Variants in MLLT6 observed in about 807,000 individuals in gnomAD.
MLLT6 encodes MLLT6, PHD finger containing.
In MLLT6, 22 loss-of-function variants were observed where a neutral mutation model predicts 103.0. The observed-to-expected ratio is 0.21, with a 90% confidence interval of 0.15 to 0.31. The LOEUF (loss-of-function observed/expected upper bound fraction) is 0.31. Ranked by LOEUF, MLLT6 falls within the 10% of genes least tolerant of loss-of-function variation. The pLI, the probability that MLLT6 is intolerant of heterozygous loss-of-function variation, is 1.00. For synonymous variants in MLLT6, 606 were observed against 623.5 expected (o/e 0.97, Z 0.42); for missense variants, 1,199 against 1,441.7 (o/e 0.83, Z 2.73).
intron 6 of MLLT6, among the ~76,000 whole-genome samples, chr17:38,710,915 A>G (rs1905121384): frequency 6.6e-6 from 1 of 152,190 alleles, no homozygotes; most frequent in Non-Finnish European, 1.5e-5. Context: ...ATGTGGAGAC[A>G]TTTAGATTTG....
At chr17:38,723,451 C>T (rs1905865956) in intron 18 of MLLT6, among the ~76,000 whole-genome samples, 1 of 151,916 alleles carries the variant, frequency 6.6e-6, no homozygotes, top group African/African-American at 2.4e-5. Flanking sequence ...GAGATGGCGC[C>T]AATACACTCC....
At chr17:38,725,114 C>T in intron 19 of MLLT6, 138 bp downstream of exon 19, 4 of 634,272 alleles carry the variant, frequency 6.3e-6, no homozygotes, top group Non-Finnish European at 1.1e-5. Flanking sequence ...TGCCTCAGAC[C>T]CCAGGGCCTC....
Position 38,712,732 on chromosome 17 carries a change from G to C in MLLT6, c.762G>C (p.Lys254Asn). ...DKERLKQKHK[K>N]RPESPPSILT... ...AACGCCTTAAGCAGAAGCACAAGAA[G>C]CGGCCTGAGTCGCCCCCCAGCATCC... Residue 254 changes from lysine (K) to asparagine (N), a missense_variant, in exon 8 of 20, where the codon AAG (lysine) becomes AAC (asparagine). Coordinates refer to ENST00000621332, the MANE Select transcript of MLLT6 (RefSeq NM_005937.4). The C allele has an allele frequency of 6.2e-7, 1 of 1,613,950 alleles. No homozygotes were observed. The highest frequency in any genetic ancestry group is 8.5e-7 in the Non-Finnish European group (1 of 1,179,880).
intron 6 of MLLT6, among the ~76,000 whole-genome samples, chr17:38,711,596 C>T (rs1304795704): frequency 6.6e-6 from 1 of 152,124 alleles, no homozygotes; most frequent in Admixed American, 6.5e-5. Flanking sequence ...GGGGCCCAGA[C>T]GCATCCTTGC....
At chr17:38,718,847 C>G (rs984590777) in intron 12 of MLLT6, 3 of 152,234 alleles carry the variant, frequency 2.0e-5, no homozygotes, top group African/African-American at 7.2e-5. Flanking sequence ...GGCTGGGAGG[C>G]GGGGCCTACA....
chr17:38,725,144 T>A (rs1444383537), intron 19 of MLLT6, 168 bp downstream of exon 19: 2 of 580,942 alleles, frequency 3.4e-6, no homozygotes, highest in East Asian at 5.9e-5. Context: ...ATGGGTGCCC[T>A]CCTGCACGGC....
At position 38,707,870 on chromosome 17, in the gene MLLT6, A is replaced by G; in HGVS notation, c.352A>G (p.Lys118Glu). 6.2e-7 allele frequency: 1 copy of G among 1,602,460 alleles called. No individual in the cohort carries two copies. Among genetic ancestry groups the G allele is most frequent in the Non-Finnish European group, 8.5e-7 (1 of 1,171,444 alleles). Residue 118 changes from lysine (K) to glutamate (E), a missense_variant and splice_region_variant, in exon 4 of 20, where the codon AAG becomes GAG. By Grantham distance (56) the Lys-to-Glu change is moderately conservative. This residue lies in a region of MLLT6 where 59 missense variants were observed against 135.1 expected (regional missense o/e 0.44). Coordinates refer to ENST00000621332, the MANE Select transcript of MLLT6 (RefSeq NM_005937.4). ...GTACGTGCCTCATGATCGCTTCAAC[A>G]AGGTCAGCGGCCCCCCGCCGTGTCC... is the stretch of plus-strand genomic sequence containing the variant. ...LQYVPHDRFN[K>E]TCYICEEQGR...
In MLLT6 at chr17:38,705,447, C is replaced by G; in HGVS notation, c.-186C>G. 1 of 412,832 alleles carries G rather than the reference C, an allele frequency of 2.4e-6. No homozygotes were observed. The highest frequency in any genetic ancestry group is 4.2e-5 in the East Asian group (1 of 24,072). The allele number at this position is 412,832 out of a possible 1,614,324, so 25.6% of individuals were successfully genotyped here. Reference sequence around the variant, plus strand: ...GGGGGGGGCGGCCAGACAGAGCGAGCGAGGAGGAGGAGGAGGAGGACGCGG... The same window carrying G: ...GGGGGGGGCGGCCAGACAGAGCGAGGGAGGAGGAGGAGGAGGAGGACGCGG... On this transcript the variant is annotated 5_prime_UTR_variant, in exon 1 of 20. Coordinates refer to ENST00000621332, the MANE Select transcript of MLLT6 (RefSeq NM_005937.4).
In MLLT6 at chr17:38,719,574, T is replaced by C. The variant is rs62620198; in HGVS notation, c.2000T>C (p.Leu667Pro). The change falls in exon 13 of 20, where the codon CTG becomes CCG. Residue 667 changes from leucine to proline, a missense_variant. Leu to Pro is a moderately conservative substitution (Grantham distance 98). Around this residue, in one of 7 missense-constraint regions of MLLT6, gnomAD observed 1,034 missense variants for 1,091.5 expected, o/e 0.95. Coordinates refer to ENST00000621332, the MANE Select transcript of MLLT6 (RefSeq NM_005937.4). ...RCRGTSPQESLSSMSPISSLP... is the reference protein window; with the variant it reads ...RCRGTSPQESPSSMSPISSLP... Reference sequence around the variant, plus strand: ...CGGGGGACCTCCCCTCAGGAGAGTCTGTCTTCCATGTGAGGGAAGGGGCAG... The same window carrying C: ...CGGGGGACCTCCCCTCAGGAGAGTCCGTCTTCCATGTGAGGGAAGGGGCAG... 9.8e-3 allele frequency: 15,759 copies of C among 1,608,154 alleles called. 97 individuals carry two copies. The highest frequency in any genetic ancestry group is 0.012 in the Non-Finnish European group (13,981 of 1,177,226).
chr17:38,721,834 G>A (rs1351111082), intron 16 of MLLT6, 44 bp from the exon 17 acceptor site: 3 of 1,405,708 alleles, frequency 2.1e-6, no homozygotes, highest in African/African-American at 1.5e-5. Context: ...GGCCAGAAAA[G>A]TCATGCTGGC....
At position 38,723,742 on chromosome 17, in the gene MLLT6, C is replaced by CT. The variant is rs575998138; in HGVS notation, c.2884-861dup. ...AACAAAAGAGAAAGGGAATTGAAAA[C>CT]TTTTTTTTTTTTTTTTTGAGACAGA... On this transcript the variant is annotated intron_variant, in intron 18 of 19. Transcript: ENST00000621332. Among the ~76,000 whole-genome samples, 459 of 137,616 alleles carry CT rather than the reference C, an allele frequency of 3.3e-3. 2 individuals carry two copies. Among genetic ancestry groups the CT allele is most frequent in the East Asian group, 6.8e-3 (32 of 4,720 alleles). The allele number at this position is 137,616 out of a possible 152,430, so 90.3% of individuals were successfully genotyped here.
chr17:38,723,240 T>C (rs555092259), intron 18 of MLLT6, among the ~76,000 whole-genome samples: 71 of 152,256 alleles, frequency 4.7e-4, no homozygotes, highest in African/African-American at 1.6e-3. Context: ...TGGTGGCTCA[T>C]GTCTGTAATC....
At chr17:38,723,340 A>T (rs1905860365) in intron 18 of MLLT6, among the ~76,000 whole-genome samples, 1 of 152,040 alleles carries the variant, frequency 6.6e-6, no homozygotes, top group Non-Finnish European at 1.5e-5. Flanking sequence ...TCTCTACAAA[A>T]AATTAGCTGG....
At chr17:38,720,615 G>T (rs764934899) in intron 15 of MLLT6, 44 bp from the exon 16 acceptor site, 70 of 1,613,040 alleles carry the variant, frequency 4.3e-5, no homozygotes, top group Non-Finnish European at 5.3e-5. Flanking sequence ...GTGCCCTGAA[G>T]TCCGGACTGG....
At position 38,719,864 on chromosome 17, in the gene MLLT6, G is replaced by A; in HGVS notation, c.2124G>A (p.Glu708=). Residue 708 remains glutamate (E), a synonymous_variant, in exon 14 of 20, where the codon GAG becomes GAA. Transcript: ENST00000621332. ...CGACTAACATGGAGCAGCTTCTGGA[G>A]AAGCAGGGCGACGGGGAGGCCGGCG... ...PGTTNMEQLL[E]KQGDGEAGVN... The A allele has an allele frequency of 1.2e-6, 2 of 1,602,974 alleles. No individual in the cohort carries two copies. The highest frequency in any genetic ancestry group is 2.7e-5 in the African/African-American group (2 of 74,908).
chr17:38,714,809 G>C (rs1905266744), intron 8 of MLLT6: 1 of 152,230 alleles, frequency 6.6e-6, no homozygotes, highest in East Asian at 1.9e-4. Context: ...CTCATACCTT[G>C]CTCTGCCCGA....
chr17:38,715,182 A>G, intron 8 of MLLT6: 1 of 162,284 alleles, frequency 6.2e-6, no homozygotes, highest in Non-Finnish European at 1.3e-5. Context: ...GGAGGGCTCC[A>G]GGATGGCACC....
rs2143719207 is a variant in MLLT6, at chr17:38,726,600, T to A, written c.*1002T>A. 4.3e-6 allele frequency: 1 copy of A among 233,814 alleles called. No homozygotes were observed. Among genetic ancestry groups the A allele is most frequent in the African/African-American group, 2.2e-5 (1 of 45,484 alleles). 14.5% of individuals were successfully genotyped at this position (233,814 alleles called of 1,614,324 possible). A position where few individuals can be genotyped will look rare whatever the true frequency, so the allele number is the denominator to read the frequency against. ...CAGTACTCCAATATTGGAGAGTCGC[T>A]GGGGGCACAGGGCTTTGAATCAGGG... is the stretch of plus-strand genomic sequence containing the variant. On this transcript the variant is annotated 3_prime_UTR_variant, in exon 20 of 20. Transcript: ENST00000621332.
intron 6 of MLLT6, among the ~76,000 whole-genome samples, chr17:38,710,028 C>G (rs145389951): frequency 6.6e-6 from 1 of 152,168 alleles, no homozygotes; most frequent in Non-Finnish European, 1.5e-5. Context: ...CTAAGGCTCA[C>G]TGAGGTCATA....
Sources: gnomAD v4.1 joint callset for allele counts (sites outside exome capture counted in the v4.1 genomes callset) on GRCh38, gnomAD v4.1.1 for gene constraint, gnomAD v4.1.1 regional missense constraint, MANE v1.5 for transcripts, NCBI Gene and HGNC (gene_info 2026-07-23, HGNC 2026-07-21) for gene names.